DLGAP1: variants seen among roughly 807,000 people sequenced by gnomAD.
DLGAP1 encodes DLG associated protein 1.
DLGAP1 carries 11 observed loss-of-function variants against 90.8 expected under a neutral mutation model. The observed-to-expected ratio is 0.12, with a 90% confidence interval of 0.08 to 0.20. DLGAP1 has a LOEUF of 0.20. DLGAP1 is among the 10% of genes least tolerant of loss of function. The probability of loss-of-function intolerance (pLI) is 1.00; values close to 1 mark genes in which losing one functional copy is unlikely to be tolerated. For missense variants in DLGAP1, 1,050 were observed against 1,333.8 expected, an observed-to-expected ratio of 0.79 and a Z score of 3.31; for synonymous variants, 558 against 540.7, an observed-to-expected ratio of 1.03 and a Z score of -0.44.
chr18:3,675,734 T>C (rs2060273973), intron 7 of DLGAP1, among the ~76,000 whole-genome samples: 1 of 152,200 alleles, frequency 6.6e-6, no homozygotes, highest in African/African-American at 2.4e-5. Context: ...ATTAAGGCCT[T>C]TGCAGTGGTG....
At chr18:4,303,577 A>C (rs978993757) in intron 1 of DLGAP1, among the ~76,000 whole-genome samples, 1 of 152,112 alleles carries the variant, frequency 6.6e-6, no homozygotes, top group Non-Finnish European at 1.5e-5. Flanking sequence ...GACAATTCAA[A>C]TTTTTTTCTC....
At chr18:4,298,571 G>A (rs1157870147) in intron 1 of DLGAP1, among the ~76,000 whole-genome samples, 3 of 151,634 alleles carry the variant, frequency 2.0e-5, no homozygotes, top group Admixed American at 6.6e-5. Context: ...GGAACTGAAC[G>A]ATGAGATCAC....
intron 7 of DLGAP1, among the ~76,000 whole-genome samples, chr18:3,637,961 T>G (rs1160412449): frequency 6.7e-6 from 1 of 148,310 alleles, no homozygotes; most frequent in Non-Finnish European, 1.5e-5. Flanking sequence ...TTTTTTTTTT[T>G]TTTGAGACGG....
intron 3 of DLGAP1, among the ~76,000 whole-genome samples, chr18:3,923,800 T>C (rs2072320547): frequency 6.6e-6 from 1 of 152,226 alleles, no homozygotes; most frequent in Admixed American, 6.5e-5. Flanking sequence ...ATTAACACAT[T>C]TTTGAATAAA....
intron 1 of DLGAP1, among the ~76,000 whole-genome samples, chr18:4,415,240 A>G (rs1225276787): frequency 6.6e-6 from 1 of 152,176 alleles, no homozygotes; most frequent in Non-Finnish European, 1.5e-5. Context: ...AAATTGTATG[A>G]AAATGTAATC....
At chr18:4,003,010 G>A (rs2074227241) in intron 3 of DLGAP1, among the ~76,000 whole-genome samples, 1 of 152,178 alleles carries the variant, frequency 6.6e-6, no homozygotes, top group African/African-American at 2.4e-5. Context: ...AAGTGCTCCT[G>A]TGTGATTACT....
At chr18:4,439,074 C>T (rs781730782) in intron 1 of DLGAP1, among the ~76,000 whole-genome samples, 5 of 152,192 alleles carry the variant, frequency 3.3e-5, no homozygotes, top group African/African-American at 4.8e-5. Flanking sequence ...CGCTGGTCCC[C>T]GCCCCAAAGG....
rs1211352634 is a variant in DLGAP1 at position 4,084,650 on chromosome 18, C to G, written c.-159+66530G>C. ...GTTTATTGCCATGAGATCATTCTCCCTTTGTCTAATCTTACTTCTCCACGA... is the reference window on the plus strand; with the variant it reads ...GTTTATTGCCATGAGATCATTCTCCGTTTGTCTAATCTTACTTCTCCACGA... On this transcript the variant is annotated intron_variant, in intron 2 of 12. Coordinates refer to ENST00000315677, the MANE Select transcript of DLGAP1 (RefSeq NM_004746.4). This position sits in a 1 kb window ranked among gnomAD's most constrained non-coding sequence, Gnocchi z 4.0. 6.6e-6 allele frequency among the ~76,000 whole-genome samples: 1 copy of G among 152,206 alleles called. No individual in the cohort carries two copies. The highest frequency in any genetic ancestry group is 1.9e-4 in the East Asian group (1 of 5,194).
chr18:4,096,668 G>GA (rs1424070687), intron 2 of DLGAP1, among the ~76,000 whole-genome samples: 4 of 152,166 alleles, frequency 2.6e-5, no homozygotes, highest in African/African-American at 9.7e-5. Flanking sequence ...TCTCAAGGGA[G>GA]AATGGAGCCG....
chr18:4,092,994 G>T (rs2075612199), intron 2 of DLGAP1, among the ~76,000 whole-genome samples: 1 of 152,200 alleles, frequency 6.6e-6, no homozygotes, highest in African/African-American at 2.4e-5. Flanking sequence ...TCGTCCTGGA[G>T]GAGCTTGTCT....
At chr18:3,953,229 C>T (rs1029790577) in intron 3 of DLGAP1, among the ~76,000 whole-genome samples, 3 of 152,138 alleles carry the variant, frequency 2.0e-5, no homozygotes, top group Non-Finnish European at 4.4e-5. Context: ...AGGTTTCTTA[C>T]ATGCATATAT....
In DLGAP1 at chr18:4,160,669, A is replaced by T. The variant is rs190203650; in HGVS notation, c.-266-9382T>A. Among the ~76,000 whole-genome samples, 31 of 152,304 alleles carry T rather than the reference A, an allele frequency of 2.0e-4. No homozygotes were observed. In the East Asian group the frequency reaches 6.0e-3, roughly 29 times the overall value. On this transcript the variant is annotated intron_variant, in intron 1 of 12. Transcript: ENST00000315677. Reference sequence around the variant, plus strand: ...ATCAAAATATTACACCTGTAAGTGGATGTATCACTATACAGACCTAGGCAG... The same window carrying T: ...ATCAAAATATTACACCTGTAAGTGGTTGTATCACTATACAGACCTAGGCAG...
intron 3 of DLGAP1, among the ~76,000 whole-genome samples, chr18:3,943,551 G>C (rs755769464): frequency 6.7e-6 from 1 of 149,126 alleles, no homozygotes; most frequent in Non-Finnish European, 1.5e-5. Flanking sequence ...TTTGCAAATC[G>C]GTAGAACTGG....
intron 5 of DLGAP1, among the ~76,000 whole-genome samples, chr18:3,795,292 C>A (rs147947697): frequency 6.6e-6 from 1 of 152,044 alleles, no homozygotes; most frequent in African/African-American, 2.4e-5. Flanking sequence ...AATATATTTT[C>A]TCCCTTGTCC....
intron 1 of DLGAP1, among the ~76,000 whole-genome samples, chr18:4,188,114 C>T (rs1178903274): frequency 6.6e-6 from 1 of 151,854 alleles, no homozygotes. Flanking sequence ...ATTATCTTTC[C>T]CTCCTTGTTT....
chr18:4,428,202 G>A (rs1365232447), intron 1 of DLGAP1, among the ~76,000 whole-genome samples: 1 of 152,130 alleles, frequency 6.6e-6, no homozygotes, highest in Admixed American at 6.5e-5. Flanking sequence ...TGGATCATGG[G>A]GGCAGTTTCT....
rs181997227 is a variant in DLGAP1, at chr18:3,863,726, C to T, written c.957+15386G>A. 1.1e-3 allele frequency among the ~76,000 whole-genome samples: 168 copies of T among 152,298 alleles called. 1 individual carries two copies. The highest frequency in any genetic ancestry group is 3.7e-3 in the African/African-American group (155 of 41,558). On this transcript the variant is annotated intron_variant, in intron 4 of 12. Coordinates refer to ENST00000315677, the MANE Select transcript of DLGAP1 (RefSeq NM_004746.4). ...CAGTGCTGCTTGCTAGGTTTCTTCC[C>T]CAGGGCCCGCTCAGCCCCACCACCT...
intron 1 of DLGAP1, among the ~76,000 whole-genome samples, chr18:4,201,383 T>C (rs2077603674): frequency 6.6e-6 from 1 of 152,198 alleles, no homozygotes; most frequent in African/African-American, 2.4e-5. Flanking sequence ...TAGGGGGTCC[T>C]TTCCCCAATG....
At chr18:4,061,730 C>G (rs1234424055) in intron 2 of DLGAP1, among the ~76,000 whole-genome samples, 1 of 152,054 alleles carries the variant, frequency 6.6e-6, no homozygotes, top group Non-Finnish European at 1.5e-5. Flanking sequence ...TCTGATATGA[C>G]TTAGTATATG....
Sources: allele counts gnomAD v4.1 joint callset (sites outside exome capture counted in the v4.1 genomes callset), GRCh38; gene constraint gnomAD v4.1.1; non-coding constraint Gnocchi (gnomAD v3.1); transcripts MANE v1.5; gene names NCBI Gene and HGNC (gene_info 2026-07-23, HGNC 2026-07-21).